PCDH9: variants seen among roughly 807,000 people sequenced by gnomAD.
PCDH9 encodes the protein protocadherin-9.
PCDH9 carries 24 observed loss-of-function variants against 70.6 expected under a neutral mutation model. The observed-to-expected ratio is 0.34, with a 90% CI of 0.25 to 0.48. The LOEUF (loss-of-function observed/expected upper bound fraction) is 0.48, where lower values mean the gene tolerates loss of function less well. PCDH9 is among the 20% of genes least tolerant of loss of function. PCDH9 has a pLI of 0.99. For missense variants in PCDH9, 1,281 were observed against 1,503.6 expected (o/e 0.85, Z 2.45); for synonymous variants, 562 against 558.5 (o/e 1.01, Z -0.09).
chr13:66,367,757 A>C (rs1956577856), intron 4 of PCDH9, among the ~76,000 whole-genome samples: 1 of 152,192 alleles, frequency 6.6e-6, no homozygotes, highest in Admixed American at 6.6e-5. Flanking sequence ...TGCTTTGCTC[A>C]GATGTTTGGA....
intron 4 of PCDH9, among the ~76,000 whole-genome samples, chr13:66,411,279 A>G (rs1957364269): frequency 6.6e-6 from 1 of 152,138 alleles, no homozygotes; most frequent in Non-Finnish European, 1.5e-5. Flanking sequence ...GTTATAGAAA[A>G]TTTTCTGTAA....
intron 2 of PCDH9, among the ~76,000 whole-genome samples, chr13:67,119,088 G>T (rs900312010): frequency 1.3e-4 from 20 of 152,098 alleles, no homozygotes; most frequent in Admixed American, 9.2e-4. Context: ...AGTCCTTTCA[G>T]CCAGGCCGTA....
chr13:67,101,784 T>C (rs1262998639), intron 2 of PCDH9, among the ~76,000 whole-genome samples: 2 of 151,950 alleles, frequency 1.3e-5, no homozygotes, highest in Non-Finnish European at 2.9e-5. Flanking sequence ...GTAATAAACA[T>C]CAAGTGACAT....
At chr13:66,796,872 T>C (rs1213304151) in intron 3 of PCDH9, among the ~76,000 whole-genome samples, 1 of 152,138 alleles carries the variant, frequency 6.6e-6, no homozygotes, top group Non-Finnish European at 1.5e-5. Flanking sequence ...AGGGAAATGC[T>C]AGGCAAGATT....
intron 3 of PCDH9, among the ~76,000 whole-genome samples, chr13:66,804,352 T>C (rs1329283077): frequency 6.6e-6 from 1 of 152,204 alleles, no homozygotes; most frequent in Non-Finnish European, 1.5e-5. Context: ...AAGAGGAGAC[T>C]GGTCATTTGG....
intron 2 of PCDH9, chr13:67,224,401 T>A (rs2089800972): frequency 6.6e-6 from 1 of 152,174 alleles, no homozygotes. Flanking sequence ...GATTGGCACC[T>A]GGCCAGCACA....
intron 2 of PCDH9, among the ~76,000 whole-genome samples, chr13:67,132,323 T>C (rs2087128747): frequency 6.6e-6 from 1 of 152,114 alleles, no homozygotes; most frequent in African/African-American, 2.4e-5. Flanking sequence ...TCACCAGAAA[T>C]ATACTCATCA....
chr13:66,595,790 A>C (rs1398041812), intron 4 of PCDH9, among the ~76,000 whole-genome samples: 1 of 151,560 alleles, frequency 6.6e-6, no homozygotes. Context: ...ACGTATAGGA[A>C]TTATTGCTTC....
At chr13:67,150,789 T>A (rs2087637784) in intron 2 of PCDH9, among the ~76,000 whole-genome samples, 1 of 152,204 alleles carries the variant, frequency 6.6e-6, no homozygotes, top group Non-Finnish European at 1.5e-5. Flanking sequence ...TTAGTGGTGT[T>A]CCCTAATCTA....
chr13:66,509,002 C>G (rs1398783558), intron 4 of PCDH9, among the ~76,000 whole-genome samples: 1 of 152,022 alleles, frequency 6.6e-6, no homozygotes, highest in African/African-American at 2.4e-5. Context: ...TTCTGCTTGG[C>G]ATTTAATAAG....
intron 2 of PCDH9, among the ~76,000 whole-genome samples, chr13:67,055,523 A>G (rs2085401152): frequency 6.6e-6 from 1 of 152,140 alleles, no homozygotes; most frequent in African/African-American, 2.4e-5. Context: ...ATATCCTAAG[A>G]CAAACGGGCT....
At chr13:66,431,594 T>C (rs999257780) in intron 4 of PCDH9, among the ~76,000 whole-genome samples, 1 of 152,038 alleles carries the variant, frequency 6.6e-6, no homozygotes, top group African/African-American at 2.4e-5. Flanking sequence ...ACAATATTGC[T>C]ACCCAAATAC....
chr13:66,513,235 G>A (rs1324649297), intron 4 of PCDH9, among the ~76,000 whole-genome samples: 2 of 147,090 alleles, frequency 1.4e-5, no homozygotes, highest in Admixed American at 6.8e-5. Flanking sequence ...TATATGCCAG[G>A]GTGAATAAAA....
At chr13:66,701,937 T>C (rs1003033436) in intron 3 of PCDH9, among the ~76,000 whole-genome samples, 19 of 152,156 alleles carry the variant, frequency 1.2e-4, no homozygotes, top group Non-Finnish European at 2.9e-5. Context: ...GACGTCTAAC[T>C]AAATGAGTCC....
chr13:67,046,799 T>C (rs1401442693), intron 2 of PCDH9, among the ~76,000 whole-genome samples: 1 of 151,860 alleles, frequency 6.6e-6, no homozygotes, highest in Non-Finnish European at 1.5e-5. Context: ...GGAGAAAATA[T>C]AAACTTATTT....
At chr13:66,468,159 C>A (rs1217492867) in intron 4 of PCDH9, among the ~76,000 whole-genome samples, 1 of 151,986 alleles carries the variant, frequency 6.6e-6, no homozygotes, top group Non-Finnish European at 1.5e-5. Context: ...ACCTGTCCAC[C>A]CTACACTCTC....
chr13:66,653,955 G>C (rs1325681645), intron 3 of PCDH9, among the ~76,000 whole-genome samples: 1 of 128,990 alleles, frequency 7.8e-6, no homozygotes, highest in Non-Finnish European at 1.6e-5. Context: ...GCGACAAAGC[G>C]AGACTCCGTC....
At chr13:66,338,103 T>G (rs1056253325) in intron 4 of PCDH9, among the ~76,000 whole-genome samples, 4 of 152,128 alleles carry the variant, frequency 2.6e-5, no homozygotes, top group African/African-American at 9.6e-5. Flanking sequence ...ATTCATACAT[T>G]AGGATGGTAA....
chr13:66,648,502 C>A (rs1345441603), intron 3 of PCDH9, among the ~76,000 whole-genome samples: 1 of 152,082 alleles, frequency 6.6e-6, no homozygotes, highest in Non-Finnish European at 1.5e-5. Flanking sequence ...GTGTTACTGA[C>A]CTTGGGGTGC....
Sources: allele counts gnomAD v4.1 joint callset (sites outside exome capture counted in the v4.1 genomes callset), GRCh38; gene constraint gnomAD v4.1.1; transcripts MANE v1.5; gene names NCBI Gene and HGNC (gene_info 2026-07-23, HGNC 2026-07-21).